ACOT9: variants seen among roughly 807,000 people sequenced by gnomAD.
ACOT9 encodes acyl-coenzyme A thioesterase 9, mitochondrial.
Under a neutral mutation model 39.7 loss-of-function variants are expected in ACOT9, and 34 were observed. The ratio of observed to expected loss-of-function variants is 0.86; its 90% confidence interval spans 0.65 to 1.14. The LOEUF (loss-of-function observed/expected upper bound fraction) is 1.14. Ranked by LOEUF, ACOT9 falls within the 50% of genes most tolerant of loss-of-function variation. The pLI, the probability that ACOT9 is intolerant of heterozygous loss-of-function variation, is 0.00. For missense variants in ACOT9, 313 were observed against 344.1 expected, an observed-to-expected ratio of 0.91 and a Z score of 0.71; for synonymous variants, 110 against 120.5, an observed-to-expected ratio of 0.91 and a Z score of 0.57.
In ACOT9 at chrX:23,730,917, C is replaced by T; in HGVS notation, c.261G>A (p.Leu87=). 1.7e-6 allele frequency: 2 copies of T among 1,210,249 alleles called. No homozygotes were observed. Among genetic ancestry groups the T allele is most frequent in the South Asian group, 1.8e-5 (1 of 56,934 alleles). ...HSFLAKSQDG[L]PPRRMKDSYI... is the part of the protein sequence containing the mutation. The stretch of plus-strand genomic sequence containing the variant: ...AACTGTCCTTCATTCTCCTAGGAGG[C>T]AGTCCATCCTGTGATTTAGCCAAGA... Residue 87 remains leucine, a synonymous_variant, in exon 5 of 16, where the codon CTG becomes CTA. Coordinates refer to ENST00000379303, the MANE Select transcript of ACOT9 (RefSeq NM_001037171.2).
At chrX:23,740,565 C>G in intron 1 of ACOT9, among the ~76,000 whole-genome samples, 1 of 109,455 alleles carries the variant, frequency 9.1e-6, no homozygotes, top group African/African-American at 3.3e-5. Flanking sequence ...TTTTTGTACC[C>G]TCAGATCCCC....
intron 1 of ACOT9, among the ~76,000 whole-genome samples, chrX:23,736,991 T>C (rs1929966151): frequency 9.0e-6 from 1 of 111,062 alleles, no homozygotes; most frequent in Non-Finnish European, 1.9e-5. Context: ...GAGAGCACAG[T>C]TGAAGAAGGC....
chrX:23,707,695 C>A, intron 10 of ACOT9, 182 bp downstream of exon 10: 1 of 323,348 alleles, frequency 3.1e-6, no homozygotes, highest in South Asian at 7.3e-5. Context: ...CGAGATGGCA[C>A]CACTGCACTC....
At position 23,705,803 on chromosome X, in the gene ACOT9, A is replaced by C. The variant is rs778266632; in HGVS notation, c.898T>G (p.Ser300Ala). The C allele has an allele frequency of 1.7e-6, 2 of 1,210,028 alleles. No homozygotes were observed. The highest frequency in any genetic ancestry group is 3.5e-5 in the African/African-American group (2 of 57,384). The stretch of plus-strand genomic sequence containing the variant: ...CAAATTTCCAAACTCTTCAGTTTTG[A>C]ATTCTCCATCCACACTGCATTAGAG... The part of the protein sequence containing the change: ...LPSNAVWMEN[S>A]KLKSLEICHP... The change falls in exon 12 of 16, where the codon TCA (serine) becomes GCA (alanine). Residue 300 changes from serine (S) to alanine (A), a missense_variant. Ser to Ala is a moderately conservative substitution (Grantham distance 99, BLOSUM62 1). Coordinates refer to ENST00000379303, the MANE Select transcript of ACOT9 (RefSeq NM_001037171.2).
Position 23,722,704 on chromosome X carries a change from A to G in ACOT9, c.450T>C (p.Pro150=). ...CCACCAGGGCTGTAACTATCGATAA[A>G]GGAGACATCTTGGCGGAGTGGATTT... ...HNKIHSAKMS[P]LSIVTALVDK... The change falls in exon 7 of 16, where the codon CCT becomes CCC. Residue 150 remains proline (P), a synonymous_variant. Coordinates refer to ENST00000379303, the MANE Select transcript of ACOT9 (RefSeq NM_001037171.2). 8.3e-7 allele frequency: 1 copy of G among 1,204,865 alleles called. No individual in the cohort carries two copies. The highest frequency in any genetic ancestry group is 1.7e-5 in the African/African-American group (1 of 57,731).
At chrX:23,709,242 AG>A (rs1195086380) in intron 9 of ACOT9, among the ~76,000 whole-genome samples, 2 of 111,017 alleles carry the variant, frequency 1.8e-5, no homozygotes, top group African/African-American at 6.6e-5. Flanking sequence ...AAAATACAAA[AG>A]TCAGCCGGGT....
chrX:23,729,069 C>T (rs1929635787), intron 6 of ACOT9, among the ~76,000 whole-genome samples: 1 of 50,814 alleles, frequency 2.0e-5, no homozygotes, highest in African/African-American at 1.3e-4. Context: ...AGTTACCTGC[C>T]ACCCCCCCCC....
rs1928561514 is a variant in ACOT9, at chrX:23,703,755, G to C, written c.*139C>G. 2 of 447,790 alleles carry C rather than the reference G, an allele frequency of 4.5e-6. No homozygotes were observed. The highest frequency in any genetic ancestry group is 7.7e-6 in the Non-Finnish European group (2 of 260,505). 36.9% of individuals were successfully genotyped at this position (447,790 alleles called of 1,213,427 possible). The stretch of plus-strand genomic sequence containing the variant: ...GGCCACTCTCTCTTTCTGCTTTTCT[G>C]ATCATCCTAAAGGCTGAATACATCC... On this transcript the variant is annotated 3_prime_UTR_variant, in exon 16 of 16. Coordinates refer to ENST00000379303, the MANE Select transcript of ACOT9 (RefSeq NM_001037171.2).
At chrX:23,724,028 G>A (rs5970782) in intron 6 of ACOT9, among the ~76,000 whole-genome samples, 2 of 110,651 alleles carry the variant, frequency 1.8e-5, no homozygotes, top group Non-Finnish European at 3.8e-5. Flanking sequence ...TTTTAGAGGC[G>A]AAGGCAGGAA....
intron 5 of ACOT9, 31 bp downstream of exon 5, chrX:23,730,785 A>G (rs867825907): frequency 5.2e-6 from 6 of 1,152,250 alleles, no homozygotes; most frequent in Middle Eastern, 5.2e-4. Context: ...AAGGAAATAA[A>G]AACAAATACA....
intron 4 of ACOT9, 149 bp downstream of exon 4, chrX:23,733,023 T>C (rs1569197854): frequency 2.4e-5 from 11 of 453,622 alleles, no homozygotes; most frequent in African/African-American, 5.0e-5. Flanking sequence ...TGTTGAAATG[T>C]TGACCTTCTC....
intron 1 of ACOT9, among the ~76,000 whole-genome samples, chrX:23,737,028 G>A (rs59548719): frequency 0.069 from 7,602 of 110,258 alleles, 391 homozygotes; most frequent in East Asian, 0.24. Flanking sequence ...TAAGAACCCC[G>A]CAGGCCAGGC....
At chrX:23,733,794 T>C (rs1262475880) in intron 3 of ACOT9, among the ~76,000 whole-genome samples, 7 of 111,143 alleles carry the variant, frequency 6.3e-5, no homozygotes, top group Admixed American at 1.9e-4. Flanking sequence ...AGAGTTTCGC[T>C]CTTGTTGCCC....
intron 8 of ACOT9, among the ~76,000 whole-genome samples, chrX:23,718,360 A>G (rs1046603138): frequency 3.6e-5 from 4 of 112,050 alleles, no homozygotes. Flanking sequence ...CTCTGGAATA[A>G]AAAGGATCAC....
chrX:23,701,133 A>C lies in ACOT9; in HGVS notation c.*2761T>G, dbSNP rs1928472504. On this transcript the variant is annotated 3_prime_UTR_variant, in exon 16 of 16. Transcript: ENST00000379303. ...AATACTAGAAAAAGCTTCACTGTACAGCAACAAATGGTTAAATATATAATG... is the reference window on the plus strand; with the variant it reads ...AATACTAGAAAAAGCTTCACTGTACCGCAACAAATGGTTAAATATATAATG... Among the ~76,000 whole-genome samples the C allele has an allele frequency of 8.9e-6, 1 of 112,299 alleles. No homozygotes were observed. The highest frequency in any genetic ancestry group is 1.9e-5 in the Non-Finnish European group (1 of 53,322).
chrX:23,721,765 T>A, intron 8 of ACOT9, 116 bp downstream of exon 8: 1 of 521,336 alleles, frequency 1.9e-6, no homozygotes, highest in South Asian at 3.8e-5. Context: ...TCAACTGTTT[T>A]TCTAGAAGCA....
rs1929706543 is a variant in ACOT9, at chrX:23,730,728, G to C, written c.362+88C>G. 4.9e-6 allele frequency: 5 copies of C among 1,019,247 alleles called. No homozygotes were observed. In the South Asian group the frequency reaches 6.8e-5, roughly 14 times the overall value. 84.0% of individuals were successfully genotyped at this position (1,019,247 alleles called of 1,213,427 possible). A position where few individuals can be genotyped will look rare whatever the true frequency, so the allele number is the denominator to read the frequency against. On this transcript the variant is annotated intron_variant, in intron 5 of 15. Transcript: ENST00000379303. Reference sequence around the variant, plus strand: ...ACCATGGAACTGTACACTTTAAACAGGCGAATTGTATGGTGTGTGAATTAT... The same window carrying C: ...ACCATGGAACTGTACACTTTAAACACGCGAATTGTATGGTGTGTGAATTAT...
At position 23,701,315 on chromosome X, in the gene ACOT9, G is replaced by C. The variant is rs778244954; in HGVS notation, c.*2579C>G. ...GAAGGGCCAGGTAAATCTCAGTCAGGATGGCATTACGGCATGGAGAGACAA... is the reference window on the plus strand; with the variant it reads ...GAAGGGCCAGGTAAATCTCAGTCAGCATGGCATTACGGCATGGAGAGACAA... On this transcript the variant is annotated 3_prime_UTR_variant, in exon 16 of 16. Transcript: ENST00000379303. 9.0e-6 allele frequency among the ~76,000 whole-genome samples: 1 copy of C among 111,071 alleles called. No homozygotes were observed. Among genetic ancestry groups the C allele is most frequent in the Non-Finnish European group, 1.9e-5 (1 of 53,095 alleles).
rs761093396 is a variant in ACOT9 at position 23,743,159 on chromosome X, G to A, written c.-15C>T. 1 of 1,153,593 alleles carries A rather than the reference G, an allele frequency of 8.7e-7. No homozygotes were observed. Among genetic ancestry groups the A allele is most frequent in the Non-Finnish European group, 1.2e-6 (1 of 865,356 alleles). ...GCCCGCCTCATTGCGCTAGGCTGCC[G>A]TGCGCGCGATGGAGAACCGGGCCCC... On this transcript the variant is annotated 5_prime_UTR_variant, in exon 1 of 16. In the 5' UTR this introduces an upstream ATG that the reference lacks. Transcript: ENST00000379303.
Sources: allele counts gnomAD v4.1 joint callset (sites outside exome capture counted in the v4.1 genomes callset), GRCh38; gene constraint gnomAD v4.1.1; transcripts MANE v1.5; gene names NCBI Gene and HGNC (gene_info 2026-07-23, HGNC 2026-07-21).